The following PRH1 variants were observed in gnomAD, a reference collection of about 807,000 sequenced individuals.
PRH1 encodes proline rich protein HaeIII subfamily 1, also known as salivary acidic proline-rich phosphoprotein 1/2.
In PRH1, 7 loss-of-function variants were observed where a neutral mutation model predicts 7.9. That is an observed-to-expected ratio of 0.89 (90% CI 0.50 to 1.67). The LOEUF (loss-of-function observed/expected upper bound fraction) is 1.67, where lower values mean the gene tolerates loss of function less well. Among genes scored for constraint, PRH1 ranks in the 40% most tolerant of loss-of-function variants. The pLI is 0.00. For synonymous variants in PRH1, 45 were observed against 80.8 expected (o/e 0.56, Z 2.38); for missense variants, 109 against 223.6 (o/e 0.49, Z 3.27).
upstream of PRH1, among the ~76,000 whole-genome samples, chr12:11,049,718 ATTGT>A (rs916377577): frequency 6.6e-6 from 1 of 152,218 alleles, no homozygotes; most frequent in African/African-American, 2.4e-5. Flanking sequence ...ACAGGTTTAA[ATTGT>A]TTAAGGAGCT....
chr12:10,912,302 C>T (rs1488296746), intron 2 of PRH1, among the ~76,000 whole-genome samples: 2 of 152,096 alleles, frequency 1.3e-5, no homozygotes. Context: ...TGATCTGGAA[C>T]CATTCCGTTG....
chr12:11,160,116 T>C (rs1316826474), intron 1 of PRH1, among the ~76,000 whole-genome samples: 1 of 152,210 alleles, frequency 6.6e-6, no homozygotes, highest in African/African-American at 2.4e-5. Flanking sequence ...CCCTGAGCCA[T>C]ACCACTTGAA....
At chr12:11,105,532 A>G (rs974001216) in intron 1 of PRH1, among the ~76,000 whole-genome samples, 18 of 152,200 alleles carry the variant, frequency 1.2e-4, no homozygotes, top group African/African-American at 4.3e-4. Flanking sequence ...GCTCAAATTA[A>G]CTCCTATTCA....
At chr12:11,050,058 C>T (rs1229080101), upstream of PRH1, among the ~76,000 whole-genome samples, 1 of 152,136 alleles carries the variant, frequency 6.6e-6, no homozygotes, top group African/African-American at 2.4e-5. Context: ...ATTTATCAAA[C>T]ATGTTTCTCA....
chr12:10,899,520 T>C (rs1479162376), intron 2 of PRH1, among the ~76,000 whole-genome samples: 44 of 152,120 alleles, frequency 2.9e-4, no homozygotes, highest in Admixed American at 2.9e-3. Flanking sequence ...CTGAATTTGT[T>C]CTAGGGGAAT....
At chr12:11,070,133 AAAT>A (rs1233245506) in intron 1 of PRH1, among the ~76,000 whole-genome samples, 1 of 150,898 alleles carries the variant, frequency 6.6e-6, no homozygotes, top group Non-Finnish European at 1.5e-5. Context: ...GCCTCTCTAA[AAAT>A]AATAATTGGT....
At chr12:11,059,798 T>C (rs1249252149) in intron 1 of PRH1, among the ~76,000 whole-genome samples, 1 of 152,196 alleles carries the variant, frequency 6.6e-6, no homozygotes, top group Non-Finnish European at 1.5e-5. Context: ...TTCATGCAAC[T>C]GCAGATTTTG....
chr12:10,973,783 CA>C, intron 1 of PRH1: 1 of 744,424 alleles, frequency 1.3e-6, no homozygotes, highest in South Asian at 1.4e-5. Flanking sequence ...GCTGTGCAAA[CA>C]AGGAGGGCCA....
At chr12:10,891,815 G>T (rs1422885983) in intron 2 of PRH1, 3 of 152,182 alleles carry the variant, frequency 2.0e-5, no homozygotes, top group Non-Finnish European at 4.4e-5. Flanking sequence ...TATCAAAAGA[G>T]AAATCTCAAA....
At chr12:11,135,390 G>C (rs2008253) in intron 1 of PRH1, among the ~76,000 whole-genome samples, 16 of 152,044 alleles carry the variant, frequency 1.1e-4, no homozygotes, top group Non-Finnish European at 2.1e-4. Flanking sequence ...CCCAGAAGGA[G>C]AATCAGAAAC....
intron 1 of PRH1, among the ~76,000 whole-genome samples, chr12:11,170,387 A>C (rs1947790520): frequency 6.6e-6 from 1 of 152,178 alleles, no homozygotes; most frequent in Non-Finnish European, 1.5e-5. Context: ...TCTACCAAAA[A>C]ATACAAAAAA....
At chr12:11,047,884 A>C (rs1942967691), upstream of PRH1, among the ~76,000 whole-genome samples, 1 of 152,250 alleles carries the variant, frequency 6.6e-6, no homozygotes, top group Non-Finnish European at 1.5e-5. Flanking sequence ...GAATGTTTTT[A>C]CCATCCAAAA....
chr12:10,974,535 A>AC (rs1429522586), intron 1 of PRH1, among the ~76,000 whole-genome samples: 2 of 152,090 alleles, frequency 1.3e-5, no homozygotes, highest in Non-Finnish European at 2.9e-5. Context: ...GATCCTTGGC[A>AC]CCCCCAAAAT....
At chr12:11,055,452 A>G (rs1015973998) in intron 1 of PRH1, among the ~76,000 whole-genome samples, 1 of 152,398 alleles carries the variant, frequency 6.6e-6, no homozygotes, top group Admixed American at 6.5e-5. Context: ...CTGATTGTGC[A>G]GTAATGTTCT....
chr12:10,925,748 T>C (rs1950114637), intron 2 of PRH1, among the ~76,000 whole-genome samples: 1 of 152,218 alleles, frequency 6.6e-6, no homozygotes, highest in Non-Finnish European at 1.5e-5. Context: ...ACAGAACTTA[T>C]GTTTCTTTTC....
At position 10,908,186 on chromosome 12, in the gene PRH1, G is replaced by A. The variant is rs1317612226; in HGVS notation, c.-58-23911C>T. 1.3e-5 allele frequency: 6 copies of A among 473,206 alleles called. No homozygotes were observed. In the East Asian group the frequency reaches 1.3e-4, roughly 10 times the overall value. The allele number at this position is 473,206 out of a possible 1,614,324, so 29.3% of individuals were successfully genotyped here. ...AAATAAGTTTCAAATTCCTAATAAT[G>A]TAGAAATACATGTCATAAATACATA... is the stretch of plus-strand genomic sequence containing the variant. On this transcript the variant is annotated intron_variant, in intron 2 of 3. Transcript: ENST00000539853.
intron 2 of PRH1, chr12:10,908,595 A>G: frequency 6.2e-7 from 1 of 1,614,022 alleles, no homozygotes; most frequent in South Asian, 1.1e-5. Flanking sequence ...AAGGAATGAG[A>G]TCACAATTTT....
At chr12:10,952,468 A>C (rs1312811917) in intron 2 of PRH1, among the ~76,000 whole-genome samples, 1 of 152,220 alleles carries the variant, frequency 6.6e-6, no homozygotes, top group Non-Finnish European at 1.5e-5. Context: ...GATTAGGCCA[A>C]TAAAATAATT....
At chr12:11,105,713 TAC>T (rs992185205) in intron 1 of PRH1, among the ~76,000 whole-genome samples, 46 of 152,310 alleles carry the variant, frequency 3.0e-4, no homozygotes, top group African/African-American at 1.1e-3. Flanking sequence ...AGAGAAATTT[TAC>T]AACCTAATAC....
Sources: gnomAD v4.1 joint callset for allele counts (sites outside exome capture counted in the v4.1 genomes callset) on GRCh38, gnomAD v4.1.1 for gene constraint, MANE v1.5 for transcripts, NCBI Gene and HGNC (gene_info 2026-07-23, HGNC 2026-07-21) for gene names.